The following WDR72 variants were observed in gnomAD, a reference collection of about 807,000 sequenced individuals.
The protein encoded by WDR72 is WD repeat domain 72, also known as WD repeat-containing protein 72.
In WDR72, 120 loss-of-function variants were observed where a neutral mutation model predicts 124.2. That is an observed-to-expected ratio of 0.97 (90% CI 0.83 to 1.12). WDR72 has a LOEUF of 1.12. Ranked by LOEUF, WDR72 falls within the 50% of genes most tolerant of loss-of-function variation. The probability of loss-of-function intolerance (pLI) is 0.00; values close to 1 mark genes in which losing one functional copy is unlikely to be tolerated. For synonymous variants in WDR72, 452 were observed against 441.7 expected (o/e 1.02, Z -0.29); for missense variants, 1,387 against 1,278.8 (o/e 1.08, Z -1.29).
intron 19 of WDR72, among the ~76,000 whole-genome samples, chr15:53,519,673 T>C (rs934426270): frequency 6.6e-6 from 1 of 152,088 alleles, no homozygotes; most frequent in Non-Finnish European, 1.5e-5. Context: ...TGCTCTGGTC[T>C]AAAGGTGCTT....
intron 2 of WDR72, among the ~76,000 whole-genome samples, chr15:53,726,258 A>ATGTGTGTG (rs779537392): frequency 5.7e-5 from 4 of 69,734 alleles, no homozygotes; most frequent in Non-Finnish European, 1.1e-4. Flanking sequence ...ATATATATGT[A>ATGTGTGTG]TGTGTGTATA....
At chr15:53,565,075 C>T (rs1315599283) in intron 18 of WDR72, among the ~76,000 whole-genome samples, 1 of 151,692 alleles carries the variant, frequency 6.6e-6, no homozygotes, top group Non-Finnish European at 1.5e-5. Flanking sequence ...ATCCTAAAAG[C>T]CTGGGAAAGG....
chr15:53,515,106 C>CACACACACAA lies in WDR72; in HGVS notation c.*2592_*2593insTTGTGTGTGT, dbSNP rs5812689. ...ATGTATACACACACACACACACACACAAATACATTCATAAATATCACCAAG... is the reference window on the plus strand; with the variant it reads ...ATGTATACACACACACACACACACACACACACACAAAAATACATTCATAAATATCACCAAG... On this transcript the variant is annotated 3_prime_UTR_variant, in exon 20 of 20. Transcript: ENST00000360509. 6.3e-4 allele frequency: 84 copies of CACACACACAA among 134,180 alleles called. No individual in the cohort carries two copies. Among genetic ancestry groups the CACACACACAA allele is most frequent in the African/African-American group, 1.3e-3 (50 of 38,540 alleles). The allele number at this position is 134,180 out of a possible 1,614,324, so 8.3% of individuals were successfully genotyped here.
chr15:53,703,901 A>G (rs2017260592), intron 11 of WDR72, among the ~76,000 whole-genome samples: 1 of 152,200 alleles, frequency 6.6e-6, no homozygotes, highest in Non-Finnish European at 1.5e-5. Context: ...CTACAAGTCA[A>G]ATATGGCTTT....
chr15:53,712,993 T>C (rs2017590595), intron 6 of WDR72, 102 bp from the exon 7 acceptor site: 2 of 1,346,636 alleles, frequency 1.5e-6, no homozygotes, highest in Non-Finnish European at 1.0e-6. Context: ...CACACCATTA[T>C]AAAACGAAAA....
intron 18 of WDR72, among the ~76,000 whole-genome samples, chr15:53,580,549 G>T (rs555846639): frequency 9.2e-5 from 14 of 151,938 alleles, no homozygotes; most frequent in Non-Finnish European, 1.3e-4. Flanking sequence ...ATTCCTCTTC[G>T]TGCTTCAGCA....
At chr15:53,602,615 G>A (rs923898739) in intron 17 of WDR72, among the ~76,000 whole-genome samples, 3 of 152,006 alleles carry the variant, frequency 2.0e-5, no homozygotes, top group Non-Finnish European at 4.4e-5. Context: ...AGAAAAGAGA[G>A]AAGATTCAAA....
intron 14 of WDR72, among the ~76,000 whole-genome samples, chr15:53,622,338 G>A (rs1414045024): frequency 6.6e-6 from 1 of 152,030 alleles, no homozygotes; most frequent in Non-Finnish European, 1.5e-5. Context: ...TATGTTCATT[G>A]CAGCACTAGT....
At chr15:53,638,975 G>A (rs887772660) in intron 14 of WDR72, among the ~76,000 whole-genome samples, 2 of 151,630 alleles carry the variant, frequency 1.3e-5, no homozygotes, top group Non-Finnish European at 2.9e-5. Flanking sequence ...TCCAGCCTGG[G>A]CATCTCAAGA....
At position 53,627,701 on chromosome 15, in the gene WDR72, GA is replaced by G. The variant is rs576735274; in HGVS notation, c.1963-11459del. 1.2e-4 allele frequency among the ~76,000 whole-genome samples: 18 copies of G among 151,968 alleles called. No homozygotes were observed. The East Asian group carries it at 3.5e-3, about 29-fold the overall frequency. Reference sequence around the variant, plus strand: ...AATATTCTTATTGAAATTCAAACATGAAATAAAGGATGACATATTGTGAACC... The same window carrying G: ...AATATTCTTATTGAAATTCAAACATGAATAAAGGATGACATATTGTGAACC... On this transcript the variant is annotated intron_variant, in intron 14 of 19. Coordinates refer to ENST00000360509, the MANE Select transcript of WDR72 (RefSeq NM_182758.4).
intron 18 of WDR72, among the ~76,000 whole-genome samples, chr15:53,575,449 G>A (rs1462154187): frequency 6.6e-6 from 1 of 152,102 alleles, no homozygotes; most frequent in African/African-American, 2.4e-5. Flanking sequence ...AAACATCCCT[G>A]TTTCAAAATG....
At chr15:53,642,283 G>C (rs995352516) in intron 14 of WDR72, among the ~76,000 whole-genome samples, 1 of 151,970 alleles carries the variant, frequency 6.6e-6, no homozygotes, top group African/African-American at 2.4e-5. Flanking sequence ...AACTAAAATA[G>C]TATGTATCAG....
intron 1 of WDR72, 39 bp from the exon 2 acceptor site, chr15:53,733,200 T>C: frequency 1.7e-5 from 27 of 1,608,610 alleles, no homozygotes; most frequent in Non-Finnish European, 2.3e-5. Flanking sequence ...CATGGTCATC[T>C]TTTTGAAATT....
At chr15:53,702,083 T>C (rs769928698) in intron 12 of WDR72, 51 bp downstream of exon 12, 1 of 1,375,116 alleles carries the variant, frequency 7.3e-7, no homozygotes, top group Non-Finnish European at 1.0e-6. Context: ...AAGTATTCTA[T>C]AATTTATATA....
chr15:53,637,437 AAT>A (rs2014666612), intron 14 of WDR72, among the ~76,000 whole-genome samples: 1 of 152,192 alleles, frequency 6.6e-6, no homozygotes, highest in East Asian at 1.9e-4. Context: ...CCACTGGAGT[AAT>A]AGAGTATATT....
At chr15:53,747,873 C>G (rs918170473) in intron 1 of WDR72, among the ~76,000 whole-genome samples, 3 of 152,048 alleles carry the variant, frequency 2.0e-5, no homozygotes, top group Non-Finnish European at 4.4e-5. Context: ...AGTGAACAAA[C>G]AAACTGAAAA....
intron 13 of WDR72, among the ~76,000 whole-genome samples, chr15:53,685,405 G>A (rs1333604244): frequency 2.5e-4 from 32 of 129,198 alleles, no homozygotes; most frequent in African/African-American, 7.5e-4. Flanking sequence ...CGAGAACTAC[G>A]TGAAGAATGC....
intron 7 of WDR72, among the ~76,000 whole-genome samples, chr15:53,712,469 G>A (rs533265003): frequency 4.4e-4 from 67 of 152,024 alleles, no homozygotes; most frequent in African/African-American, 1.4e-3. Flanking sequence ...GGTGGCATGC[G>A]CCTATAATCC....
In WDR72 at chr15:53,685,715, G is replaced by A. The variant is rs1041658038; in HGVS notation, c.1765+14035C>T. 2.0e-4 allele frequency among the ~76,000 whole-genome samples: 30 copies of A among 151,226 alleles called. 1 individual carries two copies. Among genetic ancestry groups the A allele is most frequent in the Non-Finnish European group, 3.5e-4 (24 of 67,954 alleles). On this transcript the variant is annotated intron_variant, in intron 13 of 19. Transcript: ENST00000360509. The stretch of plus-strand genomic sequence containing the variant: ...AGATTCAGGAAATACAGAGAACACC[G>A]CAAAGATACTCCTCGAGAAGACCAA...
Sources: gnomAD v4.1 joint callset for allele counts (sites outside exome capture counted in the v4.1 genomes callset) on GRCh38, gnomAD v4.1.1 for gene constraint, MANE v1.5 for transcripts, NCBI Gene and HGNC (gene_info 2026-07-23, HGNC 2026-07-21) for gene names.